Variants in RYR1 observed in about 807,000 individuals in gnomAD.
RYR1 encodes ryanodine receptor 1.
In RYR1, 342 loss-of-function variants were observed where a neutral mutation model predicts 583.5. That is an observed-to-expected ratio of 0.59 (90% CI 0.54 to 0.64). The LOEUF (loss-of-function observed/expected upper bound fraction) is 0.64. Among genes scored for constraint, RYR1 ranks in the 30% least tolerant of loss-of-function variants. The pLI, the probability that RYR1 is intolerant of heterozygous loss-of-function variation, is 0.00. For synonymous variants in RYR1, 2,791 were observed against 2,822.5 expected, an observed-to-expected ratio of 0.99 and a Z score of 0.35; for missense variants, 6,032 against 6,917.2, an observed-to-expected ratio of 0.87 and a Z score of 4.54.
At position 38,505,058 on chromosome 19, in the gene RYR1, C is replaced by T; in HGVS notation, c.8287C>T (p.His2763Tyr). Reference sequence around the variant, plus strand: ...CATTAACAAGTTTGCGGAGTACACACACGAGAAGTGGGCCTTCGACAAGGT... The same window carrying T: ...CATTAACAAGTTTGCGGAGTACACATACGAGAAGTGGGCCTTCGACAAGGT... ...SFINKFAEYT[H>Y]EKWAFDKIQN... Residue 2763 changes from histidine to tyrosine, a missense_variant, in exon 52 of 106, where the codon CAC becomes TAC. By Grantham distance (83) the His-to-Tyr change is moderately conservative. This residue lies in a region of RYR1 where 1,493 missense variants were observed against 1,715.5 expected (regional missense o/e 0.87). Coordinates refer to ENST00000359596, the MANE Select transcript of RYR1 (RefSeq NM_000540.3). 6.2e-7 allele frequency: 1 copy of T among 1,614,146 alleles called. No homozygotes were observed. The highest frequency in any genetic ancestry group is 1.1e-5 in the South Asian group (1 of 91,084).
rs74677476 is a variant in RYR1 at position 38,462,373 on chromosome 19, C to T, written c.2578-1050C>T. ...TTATTAGTAGCAGTGATATCATCTGCGGGGGTGACTTCATCCCCCTGTCCC... is the reference window on the plus strand; with the variant it reads ...TTATTAGTAGCAGTGATATCATCTGTGGGGGTGACTTCATCCCCCTGTCCC... On this transcript the variant is annotated intron_variant, in intron 20 of 105. Transcript: ENST00000359596. Among the ~76,000 whole-genome samples the T allele has an allele frequency of 3.5e-3, 533 of 152,230 alleles. 4 individuals carry two copies. Among genetic ancestry groups the T allele is most frequent in the African/African-American group, 0.012 (505 of 41,536 alleles).
chr19:38,494,646 C>G, intron 39 of RYR1, 21 bp downstream of exon 39: 1 of 1,613,828 alleles, frequency 6.2e-7, no homozygotes, highest in East Asian at 2.2e-5. Context: ...GCCCTTCCCC[C>G]TTACTTTGCA....
rs1967524824 is a variant in RYR1, at chr19:38,458,214, G to A, written c.2089G>A (p.Ala697Thr). 4 of 1,613,960 alleles carry A rather than the reference G, an allele frequency of 2.5e-6. No homozygotes were observed. The highest frequency in any genetic ancestry group is 3.4e-6 in the Non-Finnish European group (4 of 1,180,028). ...LTEGYTPYPGAGEGWGGNGVG... is the reference protein window; with the variant it reads ...LTEGYTPYPGTGEGWGGNGVG... The stretch of plus-strand genomic sequence containing the variant: ...CGAGGGCTACACCCCCTACCCTGGG[G>A]CCGGCGAGGGCTGGGGCGGCAACGG... Residue 697 changes from alanine to threonine, a missense_variant, in exon 18 of 106, where the codon GCC becomes ACC. Ala to Thr is a moderately conservative substitution (Grantham distance 58). Coordinates refer to ENST00000359596, the MANE Select transcript of RYR1 (RefSeq NM_000540.3).
chr19:38,522,297 G>C (rs1971259145), intron 67 of RYR1, among the ~76,000 whole-genome samples: 1 of 152,032 alleles, frequency 6.6e-6, no homozygotes. Context: ...GTTAGACAAA[G>C]TTTTTTAAAA....
chr19:38,575,956 C>T lies in RYR1; in HGVS notation c.14167C>T (p.Arg4723Cys), dbSNP rs200473035. The change falls in exon 97 of 106, where the codon CGC (arginine) becomes TGC (cysteine). Residue 4723 changes from arginine (R) to cysteine (C), a missense_variant. This residue lies in a region of RYR1 where 188 missense variants were observed against 215.6 expected (regional missense o/e 0.87). Coordinates refer to ENST00000359596, the MANE Select transcript of RYR1 (RefSeq NM_000540.3). ...PSNYWDKFVKRKVLDKHGDIY... is the reference protein window; with the variant it reads ...PSNYWDKFVKCKVLDKHGDIY... ...CAACTACTGGGACAAGTTTGTCAAG[C>T]GCAAGGTGAGAGGACATGGATGCCC... 32 of 1,614,078 alleles carry T rather than the reference C, an allele frequency of 2.0e-5. No individual in the cohort carries two copies. The highest frequency in any genetic ancestry group is 1.8e-4 in the South Asian group (16 of 91,092).
intron 84 of RYR1, among the ~76,000 whole-genome samples, chr19:38,541,734 T>C (rs1290268875): frequency 6.6e-6 from 1 of 151,606 alleles, no homozygotes; most frequent in Non-Finnish European, 1.5e-5. Flanking sequence ...AAGGATTTCC[T>C]ACCATAGATT....
intron 38 of RYR1, among the ~76,000 whole-genome samples, chr19:38,493,515 CGTTT>C (rs1568492635): frequency 5.6e-5 from 8 of 143,060 alleles, no homozygotes; most frequent in Non-Finnish European, 3.1e-5. Flanking sequence ...TTTTCTTTTT[CGTTT>C]TTTTTTTTTT....
intron 2 of RYR1, 53 bp downstream of exon 2, chr19:38,440,917 G>T (rs1421219868): frequency 3.2e-6 from 5 of 1,580,250 alleles, no homozygotes; most frequent in Non-Finnish European, 4.3e-6. Context: ...AAGGGGCAGA[G>T]AATCTTGGGT....
At position 38,448,691 on chromosome 19, in the gene RYR1, GGCCC is replaced by G; in HGVS notation, c.1001_1004del (p.Gly334AlafsTer55). 1 of 1,614,246 alleles carries G rather than the reference GGCCC, an allele frequency of 6.2e-7. No individual in the cohort carries two copies. Among genetic ancestry groups the G allele is most frequent in the Non-Finnish European group, 8.5e-7 (1 of 1,180,044 alleles). ...CCCCAAGCGGGATGTGGAGGGCATGGGCCCCCCTGAGATCAAGTACGGGGAGTCA... is the reference window on the plus strand; with the variant it reads ...CCCCAAGCGGGATGTGGAGGGCATGGCCCTGAGATCAAGTACGGGGAGTCA... On this transcript the variant is annotated frameshift_variant, in exon 11 of 106. Transcript: ENST00000359596. LOFTEE classifies it high-confidence loss of function.
chr19:38,502,825 G>GGGCAGC (rs1568506970), intron 48 of RYR1, 55 bp from the exon 49 acceptor site: 35 of 1,553,122 alleles, frequency 2.3e-5, no homozygotes, highest in Admixed American at 7.1e-5. Flanking sequence ...GCAGGGGCAG[G>GGGCAGC]GGCAGCAGAG....
At chr19:38,579,935 C>T (rs746494674) in intron 99 of RYR1, 47 bp from the exon 100 acceptor site, 18 of 1,613,480 alleles carry the variant, frequency 1.1e-5, no homozygotes, top group South Asian at 2.2e-5. Context: ...GAGTGCTCCT[C>T]GTGTGTCCCT....
rs587784374 is a variant in RYR1, at chr19:38,473,406, GC to G, written c.3801del (p.Cys1268AlafsTer4). ...CCCGAGTGGACGGCACTGTGGACAC[GC>G]CCCCCTGCCTGCGCCTGACCCACCG... The part of the protein sequence containing the change: ...VSRVDGTVDT[P>X]PCLRLTHRTW... On this transcript the variant is annotated frameshift_variant, in exon 28 of 106. Transcript: ENST00000359596. LOFTEE classifies it high-confidence loss of function. 6.2e-7 allele frequency: 1 copy of G among 1,613,726 alleles called. No individual in the cohort carries two copies. Among genetic ancestry groups the G allele is most frequent in the Non-Finnish European group, 8.5e-7 (1 of 1,179,952 alleles).
intron 90 of RYR1, among the ~76,000 whole-genome samples, chr19:38,564,222 A>T (rs556707275): frequency 7.9e-5 from 12 of 151,908 alleles, no homozygotes; most frequent in Admixed American, 5.9e-4. Context: ...CTGCAAAAAA[A>T]TTTTTTTTAG....
In RYR1 at chr19:38,500,645, G is replaced by A. The variant is rs765019465; in HGVS notation, c.7363G>A (p.Ala2455Thr). ...CAAGGGTGAGGCCCTGCGGATCCGC[G>A]CCATCCTCCGCTCCCTTGTGCCCTT... ...AGKGEALRIR[A>T]ILRSLVPLED... The change falls in exon 46 of 106, where the codon GCC becomes ACC. Residue 2455 changes from alanine (A) to threonine (T), a missense_variant. Transcript: ENST00000359596. The surrounding 1 kb of genome is among the most constrained non-coding windows in gnomAD (Gnocchi z 5.9). 28 of 1,613,680 alleles carry A rather than the reference G, an allele frequency of 1.7e-5. No homozygotes were observed. The highest frequency in any genetic ancestry group is 8.9e-5 in the East Asian group (4 of 44,884).
chr19:38,452,736 G>T (rs1967142679), intron 12 of RYR1, 83 bp from the exon 13 acceptor site: 5 of 1,308,780 alleles, frequency 3.8e-6, no homozygotes, highest in Non-Finnish European at 5.3e-6. Context: ...GTCTGGGGGA[G>T]TCTTGCGGGA....
Position 38,565,883 on chromosome 19 carries a change from G to A in RYR1, c.13437+112G>A. On this transcript the variant is annotated intron_variant, in intron 91 of 105. Coordinates refer to ENST00000359596, the MANE Select transcript of RYR1 (RefSeq NM_000540.3). The surrounding 1 kb of genome is among the most constrained non-coding windows in gnomAD (Gnocchi z 4.7). ...GAGGAGAGAACTGGCTAGGGGGATG[G>A]GCACACGCACCCACGGAGGACGCAC... The A allele has an allele frequency of 8.2e-7, 1 of 1,215,204 alleles. No homozygotes were observed. Among genetic ancestry groups the A allele is most frequent in the Non-Finnish European group, 1.1e-6 (1 of 950,040 alleles). 75.3% of individuals were successfully genotyped at this position (1,215,204 alleles called of 1,614,324 possible). A position where few individuals can be genotyped will look rare whatever the true frequency, so the allele number is the denominator to read the frequency against.
At chr19:38,535,637 T>C (rs1971931608) in intron 81 of RYR1, 1 of 605,498 alleles carries the variant, frequency 1.7e-6, no homozygotes, top group African/African-American at 1.8e-5. Context: ...AACTTGAGAA[T>C]TTAAGGGGAA....
At chr19:38,581,331 C>A (rs936019557) in intron 101 of RYR1, among the ~76,000 whole-genome samples, 1 of 152,194 alleles carries the variant, frequency 6.6e-6, no homozygotes. Context: ...CCCGCCTGGG[C>A]CTCCCAAAGT....
In RYR1 at chr19:38,457,636, G is replaced by T. The variant is rs770095510; in HGVS notation, c.1925+6G>T. 1.9e-6 allele frequency: 3 copies of T among 1,613,870 alleles called. No homozygotes were observed. The highest frequency in any genetic ancestry group is 2.5e-6 in the Non-Finnish European group (3 of 1,179,932). On this transcript the variant is annotated splice_donor_region_variant and intron_variant, in intron 17 of 105. Coordinates refer to ENST00000359596, the MANE Select transcript of RYR1 (RefSeq NM_000540.3). Reference sequence around the variant, plus strand: ...CTCATCAACTATGTCACCAGGTCTGGCTCTCAACATCTGACCCCAGAACTC... The same window carrying T: ...CTCATCAACTATGTCACCAGGTCTGTCTCTCAACATCTGACCCCAGAACTC...
Sources: allele counts gnomAD v4.1 joint callset (sites outside exome capture counted in the v4.1 genomes callset), GRCh38; gene constraint gnomAD v4.1.1; regional missense constraint gnomAD v4.1.1; non-coding constraint Gnocchi (gnomAD v3.1); transcripts MANE v1.5; gene names NCBI Gene and HGNC (gene_info 2026-07-23, HGNC 2026-07-21).